Variants in ABAT observed in about 807,000 individuals in gnomAD.
ABAT encodes the protein 4-aminobutyrate aminotransferase, mitochondrial.
A neutral mutation model predicts 64.6 loss-of-function variants in ABAT; 45 were observed. The ratio of observed to expected loss-of-function variants is 0.70; its 90% confidence interval spans 0.55 to 0.89. The LOEUF (loss-of-function observed/expected upper bound fraction) is 0.89, where lower values mean the gene tolerates loss of function less well. ABAT is among the 40% of genes least tolerant of loss of function. ABAT has a pLI of 0.00. For synonymous variants in ABAT, 297 were observed against 250.5 expected (o/e 1.19, Z -1.75); for missense variants, 633 against 658.4 (o/e 0.96, Z 0.42).
chr16:8,678,843 A>G (rs1251067102), intron 1 of ABAT, among the ~76,000 whole-genome samples: 1 of 152,324 alleles, frequency 6.6e-6, no homozygotes, highest in Non-Finnish European at 1.5e-5. Context: ...AGTGAAAAAG[A>G]TAAAGTCACA....
intron 1 of ABAT, chr16:8,731,528 C>T (rs1217430404): frequency 6.6e-6 from 1 of 152,176 alleles, no homozygotes; most frequent in African/African-American, 2.4e-5. Context: ...ACCAGAAGGC[C>T]ACACACCTGA....
intron 5 of ABAT, among the ~76,000 whole-genome samples, chr16:8,753,413 T>C (rs1437300613): frequency 6.6e-6 from 1 of 152,218 alleles, no homozygotes; most frequent in African/African-American, 2.4e-5. Context: ...CTTATTTCTA[T>C]GGTAGCTGCC....
In ABAT at chr16:8,781,151, G is replaced by A; in HGVS notation, c.1382-158G>A. The stretch of plus-strand genomic sequence containing the variant: ...AAAGGAAATGAAGACTGGATGGGTG[G>A]GTGGTAGGAAGGAAGCCCGGGCTTC... On this transcript the variant is annotated intron_variant, in intron 15 of 15. Transcript: ENST00000268251. The surrounding 1 kb of genome is among the most constrained non-coding windows in gnomAD (Gnocchi z 4.5). 2 of 1,045,518 alleles carry A rather than the reference G, an allele frequency of 1.9e-6. No individual in the cohort carries two copies. Among genetic ancestry groups the A allele is most frequent in the Non-Finnish European group, 3.0e-6 (2 of 671,014 alleles). The allele number at this position is 1,045,518 out of a possible 1,614,324, so 64.8% of individuals were successfully genotyped here.
rs1007258286 is a variant in ABAT, at chr16:8,674,726, C to T, written c.-42+15C>T. On this transcript the variant is annotated intron_variant, in intron 1 of 15. Transcript: ENST00000268251. ...GGGGCCTGGAGGTGAGCGCGAGGCG[C>T]CGGGTGGCTTGGGACGGGCCCTTCC... The T allele has an allele frequency of 6.6e-6, 1 of 152,292 alleles. No homozygotes were observed. The highest frequency in any genetic ancestry group is 1.5e-5 in the Non-Finnish European group (1 of 68,088). 9.4% of individuals were successfully genotyped at this position (152,292 alleles called of 1,614,324 possible). A position where few individuals can be genotyped will look rare whatever the true frequency, so the allele number is the denominator to read the frequency against.
At chr16:8,738,948 G>A (rs1056387711) in intron 2 of ABAT, among the ~76,000 whole-genome samples, 1 of 152,082 alleles carries the variant, frequency 6.6e-6, no homozygotes, top group African/African-American at 2.4e-5. Context: ...CCTGGCCAAG[G>A]TTTTGCTTTA....
intron 1 of ABAT, among the ~76,000 whole-genome samples, chr16:8,709,930 A>T (rs1179855365): frequency 6.6e-6 from 1 of 151,706 alleles, no homozygotes; most frequent in African/African-American, 2.4e-5. Flanking sequence ...CCGCCGCCTG[A>T]GTAGCTGGGA....
At chr16:8,698,735 A>G (rs1273378) in intron 1 of ABAT, among the ~76,000 whole-genome samples, 11,186 of 152,180 alleles carry the variant, frequency 0.074, 556 homozygotes, top group Middle Eastern at 0.2. Context: ...ACGTGAGGTC[A>G]GGAGTTCAAG....
At chr16:8,723,898 T>C (rs1166390428) in intron 1 of ABAT, among the ~76,000 whole-genome samples, 1 of 134,956 alleles carries the variant, frequency 7.4e-6, no homozygotes, top group Non-Finnish European at 1.5e-5. Context: ...TGGAGTGCAG[T>C]GGCATGATCT....
chr16:8,722,255 C>A (rs563070040), intron 1 of ABAT, among the ~76,000 whole-genome samples: 13 of 152,244 alleles, frequency 8.5e-5, no homozygotes, highest in African/African-American at 3.1e-4. Flanking sequence ...TTCCTAGTTG[C>A]CTTCGTAGCA....
At chr16:8,737,785 GGGTGT>G (rs998472932) in intron 2 of ABAT, among the ~76,000 whole-genome samples, 1 of 149,242 alleles carries the variant, frequency 6.7e-6, no homozygotes, top group African/African-American at 2.5e-5. Flanking sequence ...AAAATTAGCC[GGGTGT>G]GGTGGCAGGC....
intron 1 of ABAT, among the ~76,000 whole-genome samples, chr16:8,720,400 C>T (rs564921315): frequency 6.6e-6 from 1 of 152,326 alleles, no homozygotes; most frequent in South Asian, 2.1e-4. Context: ...TGGACATTTG[C>T]CTGTTTCCAA....
chr16:8,778,796 C>A (rs1041470922), intron 14 of ABAT, among the ~76,000 whole-genome samples: 202 of 150,794 alleles, frequency 1.3e-3, no homozygotes, highest in African/African-American at 4.2e-3. Flanking sequence ...AAACAAAAAA[C>A]AAAAAACAGT....
chr16:8,697,450 G>T (rs2057727980), intron 1 of ABAT, among the ~76,000 whole-genome samples: 1 of 152,184 alleles, frequency 6.6e-6, no homozygotes, highest in Admixed American at 6.5e-5. Flanking sequence ...TCAATTACAA[G>T]TGGAAGTGGC....
intron 1 of ABAT, among the ~76,000 whole-genome samples, chr16:8,723,497 C>G (rs2058434296): frequency 6.6e-6 from 1 of 152,106 alleles, no homozygotes; most frequent in Non-Finnish European, 1.5e-5. Flanking sequence ...TCTGTGGGGC[C>G]TCTTTCCTTG....
rs1349970921 is a variant in ABAT, at chr16:8,783,949, G to A, written c.*2519G>A. The A allele has an allele frequency of 1.3e-5, 2 of 152,136 alleles. No individual in the cohort carries two copies. Among genetic ancestry groups the A allele is most frequent in the South Asian group, 4.1e-4 (2 of 4,830 alleles). The allele number at this position is 152,136 out of a possible 1,614,324, so 9.4% of individuals were successfully genotyped here. On this transcript the variant is annotated 3_prime_UTR_variant, in exon 16 of 16. Coordinates refer to ENST00000268251, the MANE Select transcript of ABAT (RefSeq NM_020686.6). ...TATCAACAAGTTCTTGTTGACTCAG[G>A]GCATAATGAGTTCCTGAGACATGCT...
At chr16:8,725,424 A>G (rs1324696646) in intron 1 of ABAT, among the ~76,000 whole-genome samples, 3 of 152,072 alleles carry the variant, frequency 2.0e-5, no homozygotes, top group Non-Finnish European at 4.4e-5. Flanking sequence ...GTCTTTGTAG[A>G]TTCACCTACT....
At chr16:8,772,709 C>G in intron 11 of ABAT, 71 bp from the exon 12 acceptor site, 1 of 1,608,086 alleles carries the variant, frequency 6.2e-7, no homozygotes, top group South Asian at 1.1e-5. Flanking sequence ...TCATCGAACC[C>G]CAGATTCCCA....
intron 1 of ABAT, among the ~76,000 whole-genome samples, chr16:8,725,184 A>G (rs1358324018): frequency 1.3e-5 from 2 of 152,170 alleles, no homozygotes; most frequent in Non-Finnish European, 1.5e-5. Flanking sequence ...CCAAAGTGCT[A>G]CGATTATAGG....
At chr16:8,699,058 A>G (rs559207939) in intron 1 of ABAT, among the ~76,000 whole-genome samples, 5 of 152,306 alleles carry the variant, frequency 3.3e-5, no homozygotes, top group African/African-American at 1.2e-4. Flanking sequence ...TAGGGGTGGA[A>G]TTGCTGGGTC....
Sources: allele counts gnomAD v4.1 joint callset (sites outside exome capture counted in the v4.1 genomes callset), GRCh38; gene constraint gnomAD v4.1.1; non-coding constraint Gnocchi (gnomAD v3.1); transcripts MANE v1.5; gene names NCBI Gene and HGNC (gene_info 2026-07-23, HGNC 2026-07-21).